The following CSMD1 variants were observed in gnomAD, a reference collection of about 807,000 sequenced individuals.
The protein encoded by CSMD1 is CUB and Sushi multiple domains 1.
In CSMD1, 213 loss-of-function variants were observed where a neutral mutation model predicts 417.5. That is an observed-to-expected ratio of 0.51 (90% CI 0.46 to 0.57). CSMD1 has a LOEUF of 0.57. Among genes scored for constraint, CSMD1 ranks in the 20% least tolerant of loss-of-function variants. CSMD1 has a pLI of 0.00. For missense variants in CSMD1, 6,923 were observed against 4,529.7 expected (o/e 1.53, Z -15.17); for synonymous variants, 2,862 against 1,736.8 (o/e 1.65, Z -16.11).
rs976093575 is a variant in CSMD1, at chr8:4,992,129, A to C, written c.85+2203T>G. ...GCTCTCTTCCACGGGGCTGCCCCGC[A>C]GGGCCCGAGGCGCCCAGGACTTTGC... On this transcript the variant is annotated intron_variant, in intron 1 of 69. Transcript: ENST00000635120. Among the ~76,000 whole-genome samples, 4 of 152,180 alleles carry C rather than the reference A, an allele frequency of 2.6e-5. No homozygotes were observed. The South Asian group carries it at 6.2e-4, about 24-fold the overall frequency.
At chr8:3,419,942 G>C (rs1045787942) in intron 12 of CSMD1, among the ~76,000 whole-genome samples, 2 of 152,122 alleles carry the variant, frequency 1.3e-5, no homozygotes. Flanking sequence ...GACTTCCTGT[G>C]AGTTGCTAGA....
intron 12 of CSMD1, among the ~76,000 whole-genome samples, chr8:3,418,130 A>G (rs1813272418): frequency 6.6e-6 from 1 of 152,200 alleles, no homozygotes; most frequent in Non-Finnish European, 1.5e-5. Flanking sequence ...GCTTTGTTTG[A>G]CTGAAACAAG....
At chr8:4,246,813 T>C (rs186442885) in intron 3 of CSMD1, among the ~76,000 whole-genome samples, 1 of 152,196 alleles carries the variant, frequency 6.6e-6, no homozygotes, top group Non-Finnish European at 1.5e-5. Flanking sequence ...TATAGGACAT[T>C]TGACTTGTAA....
rs555202713 is a variant in CSMD1 at position 3,189,203 on chromosome 8, T to C, written c.5399-192A>G. 2.0e-4 allele frequency among the ~76,000 whole-genome samples: 30 copies of C among 152,348 alleles called. No homozygotes were observed. The South Asian group carries it at 6.2e-3, about 32-fold the overall frequency. On this transcript the variant is annotated intron_variant, in intron 34 of 69. Transcript: ENST00000635120. ...AAATTAGCAAAATAATTATTACCTA[T>C]TATGCTACTCAGTTATAGATCTTGA...
intron 1 of CSMD1, among the ~76,000 whole-genome samples, chr8:4,668,409 GT>G: frequency 7.2e-6 from 1 of 139,536 alleles, no homozygotes; most frequent in African/African-American, 2.7e-5. Context: ...TGCTTTTGAT[GT>G]TTTCCATTAT....
At chr8:3,823,456 G>C (rs62479937) in intron 5 of CSMD1, among the ~76,000 whole-genome samples, 3,641 of 152,162 alleles carry the variant, frequency 0.024, 59 homozygotes, top group Non-Finnish European at 0.037. Flanking sequence ...TAAAACGTTT[G>C]CAATTTTTAT....
intron 1 of CSMD1, among the ~76,000 whole-genome samples, chr8:4,867,134 A>T (rs1563628561): frequency 1.3e-5 from 2 of 152,090 alleles, no homozygotes; most frequent in African/African-American, 4.8e-5. Context: ...AACTACACAC[A>T]TATTATTTAT....
rs113195688 is a variant in CSMD1 at position 3,222,321 on chromosome 8, A to ATTT, written c.4484+1405_4484+1407dup. On this transcript the variant is annotated intron_variant, in intron 28 of 69. Transcript: ENST00000635120. Reference sequence around the variant, plus strand: ...CTAACAAGGTTTTGTGTTCAATTTCATTTTTTTTTTTAAAGCCAAGGTCTT... The same window carrying ATTT: ...CTAACAAGGTTTTGTGTTCAATTTCATTTTTTTTTTTTTTAAAGCCAAGGTCTT... 3.2e-4 allele frequency among the ~76,000 whole-genome samples: 48 copies of ATTT among 149,008 alleles called. 1 individual carries two copies. The East Asian group carries it at 5.0e-3, about 16-fold the overall frequency.
chr8:3,684,807 C>G (rs561902439), intron 7 of CSMD1, among the ~76,000 whole-genome samples: 1 of 152,166 alleles, frequency 6.6e-6, no homozygotes, highest in East Asian at 1.9e-4. Context: ...ATTCTCCTTG[C>G]TATAGATCAT....
At chr8:4,323,248 A>G (rs1353692537) in intron 3 of CSMD1, among the ~76,000 whole-genome samples, 1 of 152,212 alleles carries the variant, frequency 6.6e-6, no homozygotes, top group African/African-American at 2.4e-5. Context: ...ATGTATAAGC[A>G]ATTTTGCTTA....
At position 3,580,410 on chromosome 8, in the gene CSMD1, A is replaced by G. The variant is rs111915579; in HGVS notation, c.1223-5344T>C. 4.9e-3 allele frequency among the ~76,000 whole-genome samples: 749 copies of G among 152,222 alleles called. 7 individuals carry two copies. Among genetic ancestry groups the G allele is most frequent in the African/African-American group, 0.017 (713 of 41,532 alleles). On this transcript the variant is annotated intron_variant, in intron 9 of 69. Transcript: ENST00000635120. Reference sequence around the variant, plus strand: ...CAGGGATACCTGGGGGGAGGCGGATACTCCAGAGAGGGGAAACCAAATGCA... The same window carrying G: ...CAGGGATACCTGGGGGGAGGCGGATGCTCCAGAGAGGGGAAACCAAATGCA...
At chr8:4,770,302 T>C (rs1796535011) in intron 1 of CSMD1, among the ~76,000 whole-genome samples, 1 of 148,276 alleles carries the variant, frequency 6.7e-6, no homozygotes, top group East Asian at 1.9e-4. Context: ...ATATATATTA[T>C]ATATAATTAG....
At chr8:4,437,895 G>C (rs1481665750) in intron 2 of CSMD1, among the ~76,000 whole-genome samples, 2 of 151,892 alleles carry the variant, frequency 1.3e-5, no homozygotes, top group African/African-American at 2.4e-5. Flanking sequence ...GGTCTCACCT[G>C]AGAAGCCGGC....
chr8:4,114,888 T>A (rs753755995), intron 3 of CSMD1, among the ~76,000 whole-genome samples: 1 of 152,164 alleles, frequency 6.6e-6, no homozygotes, highest in Admixed American at 6.5e-5. Flanking sequence ...AGATGAGGAA[T>A]TGCTTCTTCC....
intron 3 of CSMD1, among the ~76,000 whole-genome samples, chr8:4,244,116 G>A (rs143568813): frequency 3.9e-5 from 6 of 152,284 alleles, no homozygotes; most frequent in East Asian, 1.9e-4. Flanking sequence ...TGGGTGCTGT[G>A]CGGATGAGTT....
chr8:3,376,542 T>G (rs1810314622), intron 18 of CSMD1, among the ~76,000 whole-genome samples: 2 of 152,112 alleles, frequency 1.3e-5, no homozygotes, highest in African/African-American at 4.8e-5. Context: ...AATGTGCAGT[T>G]GAACTACTTG....
intron 1 of CSMD1, among the ~76,000 whole-genome samples, chr8:4,761,046 C>T (rs1286418484): frequency 7.2e-5 from 11 of 152,028 alleles, no homozygotes; most frequent in African/African-American, 2.2e-4. Context: ...TGTTGTATCT[C>T]GGAGCCCAGA....
chr8:3,310,895 G>C (rs1442324377), intron 23 of CSMD1, among the ~76,000 whole-genome samples: 3 of 152,144 alleles, frequency 2.0e-5, no homozygotes, highest in East Asian at 1.9e-4. Flanking sequence ...TTTAAAAAAA[G>C]TTTTTAAAAA....
At chr8:4,161,446 T>G (rs946797063) in intron 3 of CSMD1, among the ~76,000 whole-genome samples, 1 of 152,180 alleles carries the variant, frequency 6.6e-6, no homozygotes, top group African/African-American at 2.4e-5. Flanking sequence ...AAATTGAAAC[T>G]GGAATAAGTT....
Sources: gnomAD v4.1 joint callset for allele counts (sites outside exome capture counted in the v4.1 genomes callset) on GRCh38, gnomAD v4.1.1 for gene constraint, MANE v1.5 for transcripts, NCBI Gene and HGNC (gene_info 2026-07-23, HGNC 2026-07-21) for gene names.